The following SNX4 variants were observed in gnomAD, a reference collection of about 807,000 sequenced individuals.
The protein encoded by SNX4 is sorting nexin 4, also known as sorting nexin-4.
SNX4 carries 49 observed loss-of-function variants against 70.8 expected under a neutral mutation model. The ratio of observed to expected loss-of-function variants is 0.69; its 90% CI spans 0.55 to 0.88. The LOEUF (loss-of-function observed/expected upper bound fraction) is 0.88, where lower values mean the gene tolerates loss of function less well. Ranked by LOEUF, SNX4 falls within the 40% of genes least tolerant of loss-of-function variation. SNX4 has a pLI of 0.00. For missense variants in SNX4, 528 were observed against 544.8 expected (o/e 0.97, Z 0.31); for synonymous variants, 206 against 183.8 (o/e 1.12, Z -0.98).
intron 5 of SNX4, among the ~76,000 whole-genome samples, chr3:125,495,523 T>C (rs1389530499): frequency 6.8e-6 from 1 of 147,000 alleles, no homozygotes; most frequent in Admixed American, 6.7e-5. Context: ...TAATTCTGTA[T>C]ACTGATATTA....
chr3:125,486,222 C>T (rs1212239565), intron 6 of SNX4, among the ~76,000 whole-genome samples: 5 of 152,170 alleles, frequency 3.3e-5, no homozygotes, highest in Non-Finnish European at 7.3e-5. Flanking sequence ...ATACTTCCTG[C>T]CCCAAACTCA....
At position 125,485,505 on chromosome 3, in the gene SNX4, C is replaced by T. The variant is rs375610268; in HGVS notation, c.653+3903G>A. 1.5e-4 allele frequency among the ~76,000 whole-genome samples: 23 copies of T among 152,204 alleles called. 1 individual carries two copies. In the South Asian group the frequency reaches 2.7e-3, roughly 18 times the overall value. On this transcript the variant is annotated intron_variant, in intron 6 of 13. Coordinates refer to ENST00000251775, the MANE Select transcript of SNX4 (RefSeq NM_003794.4). ...TAGAGACAGGGTTTCACTATGTTGG[C>T]CAGGCTGGTCTTGAACTCCTGGCCT...
intron 8 of SNX4, among the ~76,000 whole-genome samples, chr3:125,470,351 G>C (rs549553315): frequency 6.6e-6 from 1 of 151,788 alleles, no homozygotes; most frequent in South Asian, 2.1e-4. Context: ...CAGTTTCCTG[G>C]CTATACAGGT....
At chr3:125,492,604 G>A (rs540917776) in intron 5 of SNX4, among the ~76,000 whole-genome samples, 1 of 152,044 alleles carries the variant, frequency 6.6e-6, no homozygotes, top group Non-Finnish European at 1.5e-5. Flanking sequence ...TCCCCAACAA[G>A]GACGATGCTT....
chr3:125,464,296 T>C (rs1933953276), intron 9 of SNX4, among the ~76,000 whole-genome samples: 1 of 152,164 alleles, frequency 6.6e-6, no homozygotes, highest in Non-Finnish European at 1.5e-5. Flanking sequence ...AATTTTAAAT[T>C]TGATGAAGAC....
rs114907362 is a variant in SNX4, at chr3:125,466,373, T to C, written c.854+3081A>G. Among the ~76,000 whole-genome samples the C allele has an allele frequency of 7.6e-3, 1,113 of 147,402 alleles. 16 individuals are homozygous for C. The highest frequency in any genetic ancestry group is 0.026 in the African/African-American group (1,056 of 40,242). ...AAAAAAAAAAAGAAAACCTAGTAAA[T>C]ACCATTTGGGACATAGGCTATGGCA... On this transcript the variant is annotated intron_variant, in intron 9 of 13. Coordinates refer to ENST00000251775, the MANE Select transcript of SNX4 (RefSeq NM_003794.4).
chr3:125,501,200 T>C (rs936940057), intron 2 of SNX4, among the ~76,000 whole-genome samples: 4 of 152,182 alleles, frequency 2.6e-5, no homozygotes, highest in Non-Finnish European at 4.4e-5. Flanking sequence ...TCAAATCCCA[T>C]GTCTATATGA....
intron 8 of SNX4, among the ~76,000 whole-genome samples, chr3:125,471,739 T>C (rs1180714847): frequency 6.6e-6 from 1 of 152,248 alleles, no homozygotes; most frequent in African/African-American, 2.4e-5. Context: ...CTTCTCTAAG[T>C]CTTTTGCAGA....
intron 6 of SNX4, among the ~76,000 whole-genome samples, chr3:125,483,677 AC>A (rs922705069): frequency 6.6e-6 from 1 of 152,196 alleles, no homozygotes; most frequent in Non-Finnish European, 1.5e-5. Context: ...TGATCACATC[AC>A]CAGAAAGTCA....
chr3:125,469,091 A>G (rs1398041687), intron 9 of SNX4, among the ~76,000 whole-genome samples: 1 of 152,198 alleles, frequency 6.6e-6, no homozygotes, highest in African/African-American at 2.4e-5. Flanking sequence ...GAAAGCCTCA[A>G]TATTTCACTA....
At chr3:125,513,923 G>A (rs1215606158) in intron 1 of SNX4, among the ~76,000 whole-genome samples, 1 of 152,162 alleles carries the variant, frequency 6.6e-6, no homozygotes, top group African/African-American at 2.4e-5. Flanking sequence ...CCCGGAGGCT[G>A]GGAAGTCAGA....
rs547712863 is a variant in SNX4, at chr3:125,471,233, A to G, written c.789-1714T>C. On this transcript the variant is annotated intron_variant, in intron 8 of 13. Transcript: ENST00000251775. ...GTGGCACATGCCTGTAATCCCAGCT[A>G]CTCGAGAGGCTGAGGTGGGAGAATC... 1.2e-3 allele frequency among the ~76,000 whole-genome samples: 176 copies of G among 151,112 alleles called. 1 individual carries two copies. Among genetic ancestry groups the G allele is most frequent in the African/African-American group, 4.2e-3 (171 of 41,136 alleles).
Position 125,495,275 on chromosome 3 carries a change from T to TATATATATATATATATATATATACAC in SNX4, c.597+2065_597+2066insGTGTATATATATATATATATATATAT. ...TTATATATATATATATATATATATA[T>TATATATATATATATATATATATACAC]ATACACATACACACACACACACGTA... On this transcript the variant is annotated intron_variant, in intron 5 of 13. Transcript: ENST00000251775. Among the ~76,000 whole-genome samples the TATATATATATATATATATATATACAC allele has an allele frequency of 1.2e-3, 102 of 82,938 alleles. 1 individual carries two copies. Among genetic ancestry groups the TATATATATATATATATATATATACAC allele is most frequent in the African/African-American group, 3.4e-3 (93 of 27,478 alleles). The allele number at this position is 82,938 out of a possible 152,430, so 54.4% of individuals were successfully genotyped here.
intron 8 of SNX4, among the ~76,000 whole-genome samples, chr3:125,472,370 G>A (rs1231410811): frequency 1.3e-5 from 2 of 152,018 alleles, no homozygotes; most frequent in East Asian, 1.9e-4. Flanking sequence ...ACAAACTGGC[G>A]CTGCTCAGCA....
At chr3:125,451,863 G>A (rs1321118307) in intron 12 of SNX4, among the ~76,000 whole-genome samples, 1 of 152,106 alleles carries the variant, frequency 6.6e-6, no homozygotes, top group Non-Finnish European at 1.5e-5. Context: ...CTGAGCTCAG[G>A]TGATCTGCCC....
chr3:125,490,241 A>G (rs547171265), intron 5 of SNX4, among the ~76,000 whole-genome samples: 9 of 151,986 alleles, frequency 5.9e-5, no homozygotes, highest in Admixed American at 2.0e-4. Context: ...GAATATAGAA[A>G]CACATGTACT....
At chr3:125,508,933 T>C (rs549306406) in intron 1 of SNX4, among the ~76,000 whole-genome samples, 1 of 152,158 alleles carries the variant, frequency 6.6e-6, no homozygotes, top group African/African-American at 2.4e-5. Context: ...TTCAAGACAC[T>C]GGATTTAACC....
intron 11 of SNX4, 41 bp downstream of exon 11, chr3:125,457,225 G>T: frequency 1.5e-6 from 2 of 1,368,908 alleles, no homozygotes; most frequent in Non-Finnish European, 2.1e-6. Flanking sequence ...AACATTCCGT[G>T]TTGCTACAGT....
intron 5 of SNX4, among the ~76,000 whole-genome samples, chr3:125,495,844 T>G (rs1934782404): frequency 6.6e-6 from 1 of 152,236 alleles, no homozygotes; most frequent in African/African-American, 2.4e-5. Flanking sequence ...GCTTTTAACA[T>G]ATCAAACTAT....
Sources: gnomAD v4.1 joint callset for allele counts (sites outside exome capture counted in the v4.1 genomes callset) on GRCh38, gnomAD v4.1.1 for gene constraint, MANE v1.5 for transcripts, NCBI Gene and HGNC (gene_info 2026-07-23, HGNC 2026-07-21) for gene names.